The following IPO11 variants were observed in gnomAD, a reference collection of about 807,000 sequenced individuals.
The protein encoded by IPO11 is importin 11, also known as importin-11.
In IPO11, 66 loss-of-function variants were observed where a neutral mutation model predicts 143.2. That is an observed-to-expected ratio of 0.46 (90% confidence interval 0.38 to 0.57). IPO11 has a LOEUF of 0.57. Ranked by LOEUF, IPO11 falls within the 20% of genes least tolerant of loss-of-function variation. IPO11 has a pLI of 0.00. For synonymous variants in IPO11, 385 were observed against 377.8 expected (o/e 1.02, Z -0.22); for missense variants, 1,026 against 1,141.0 (o/e 0.90, Z 1.45).
chr5:62,552,595 C>A (rs765075864), intron 26 of IPO11, among the ~76,000 whole-genome samples: 19 of 151,022 alleles, frequency 1.3e-4, no homozygotes, highest in Non-Finnish European at 2.8e-4. Context: ...TACAGGATAA[C>A]TAAAAATATT....
chr5:62,599,106 A>G (rs922428164), intron 28 of IPO11, among the ~76,000 whole-genome samples: 2 of 152,206 alleles, frequency 1.3e-5, no homozygotes, highest in African/African-American at 2.4e-5. Context: ...CTCAGGCTCC[A>G]TCAAACTCTA....
At chr5:62,579,602 C>T in intron 27 of IPO11, 1 of 1,551,000 alleles carries the variant, frequency 6.4e-7, no homozygotes. Context: ...TCGAGTATTC[C>T]TAAGAATTTT....
At chr5:62,507,119 A>T (rs149789614) in intron 19 of IPO11, among the ~76,000 whole-genome samples, 1 of 152,324 alleles carries the variant, frequency 6.6e-6, no homozygotes, top group East Asian at 1.9e-4. Flanking sequence ...CATGCTTTGC[A>T]TATATTTCTC....
In IPO11 at chr5:62,431,981, G is replaced by C. The variant is rs150294295; in HGVS notation, c.-6-5293G>C. On this transcript the variant is annotated intron_variant, in intron 1 of 29. Transcript: ENST00000325324. ...CATACATACATACATACGGCATGCA[G>C]ACCTGTACCCTGCTGCACCACTCCC... 3.4e-3 allele frequency among the ~76,000 whole-genome samples: 496 copies of C among 145,286 alleles called. 2 individuals carry two copies. The highest frequency in any genetic ancestry group is 0.014 in the South Asian group (67 of 4,740).
At chr5:62,415,450 C>G (rs112577330) in intron 1 of IPO11, among the ~76,000 whole-genome samples, 2,405 of 147,228 alleles carry the variant, frequency 0.016, 61 homozygotes, top group African/African-American at 0.058. Flanking sequence ...GGAGTGAGCC[C>G]GGCCCCGTCT....
intron 4 of IPO11, 98 bp from the exon 5 acceptor site, chr5:62,451,632 C>T (rs892116279): frequency 3.4e-6 from 3 of 895,132 alleles, no homozygotes; most frequent in Non-Finnish European, 5.2e-6. Flanking sequence ...AAATCGTATT[C>T]ATTTTTGTCA....
intron 5 of IPO11, among the ~76,000 whole-genome samples, chr5:62,452,609 GGGA>G: frequency 6.6e-6 from 1 of 150,842 alleles, no homozygotes; most frequent in Non-Finnish European, 1.5e-5. Context: ...GACGTAAGTA[GGGA>G]GTGACAGCCT....
chr5:62,476,296 A>G (rs1201996629), intron 8 of IPO11, among the ~76,000 whole-genome samples: 1 of 152,224 alleles, frequency 6.6e-6, no homozygotes, highest in Non-Finnish European at 1.5e-5. Flanking sequence ...GGAAATTATC[A>G]GAATAAATTT....
intron 19 of IPO11, among the ~76,000 whole-genome samples, chr5:62,506,810 C>G (rs1741570957): frequency 6.6e-6 from 1 of 152,188 alleles, no homozygotes. Flanking sequence ...TCAGCTTCCC[C>G]TGTCACTCTG....
intron 1 of IPO11, among the ~76,000 whole-genome samples, chr5:62,418,116 G>C (rs1391031771): frequency 2.6e-5 from 4 of 151,498 alleles, no homozygotes; most frequent in African/African-American, 9.7e-5. Flanking sequence ...GCAGCTTTCC[G>C]AGTAGCTGGG....
chr5:62,579,464 C>T (rs1744456465), intron 27 of IPO11: 5 of 1,550,762 alleles, frequency 3.2e-6, no homozygotes, highest in Non-Finnish European at 4.4e-6. Context: ...TTTTCTCTGC[C>T]TTGCCTACGA....
intron 28 of IPO11, among the ~76,000 whole-genome samples, chr5:62,592,711 CATGTCCTTTTTCACGTGGCGGCAGGAAGG>C (rs1333954598): frequency 6.6e-6 from 1 of 152,076 alleles, no homozygotes; most frequent in Non-Finnish European, 1.5e-5. Flanking sequence ...GGGAAGCAAA[CATGTCCTTTTTCACGTGGCGGCAGGAAGG>C]AGAAGTGCTG....
chr5:62,620,451 G>A (rs6870708), intron 29 of IPO11, among the ~76,000 whole-genome samples: 4,525 of 151,108 alleles, frequency 0.03, 219 homozygotes, highest in African/African-American at 0.11. Flanking sequence ...CCCGGGAGGC[G>A]GAGCTTGCGG....
At chr5:62,413,608 A>C (rs910075030) in intron 1 of IPO11, among the ~76,000 whole-genome samples, 4 of 152,208 alleles carry the variant, frequency 2.6e-5, no homozygotes, top group African/African-American at 9.7e-5. Context: ...GATTTGACTA[A>C]ATAGCAAGGA....
At chr5:62,478,515 A>G (rs1347585831) in intron 9 of IPO11, among the ~76,000 whole-genome samples, 1 of 152,194 alleles carries the variant, frequency 6.6e-6, no homozygotes, top group East Asian at 1.9e-4. Flanking sequence ...ATATTTAAAA[A>G]ATACTGATAG....
chr5:62,498,155 T>C (rs1214722815), intron 16 of IPO11, among the ~76,000 whole-genome samples: 2 of 152,196 alleles, frequency 1.3e-5, no homozygotes, highest in African/African-American at 2.4e-5. Flanking sequence ...AATACTGTTT[T>C]CATTAGCCAT....
intron 27 of IPO11, among the ~76,000 whole-genome samples, chr5:62,575,414 T>C (rs1016958612): frequency 6.6e-6 from 1 of 152,184 alleles, no homozygotes; most frequent in East Asian, 1.9e-4. Context: ...TAGGACCAAT[T>C]ATTGTTTTAG....
intron 22 of IPO11, among the ~76,000 whole-genome samples, chr5:62,533,512 G>A (rs986043029): frequency 2.0e-5 from 3 of 151,992 alleles, no homozygotes; most frequent in Non-Finnish European, 4.4e-5. Context: ...ATGCCTGGCC[G>A]TACATTCTTT....
chr5:62,546,275 A>T (rs1743177541), intron 24 of IPO11, among the ~76,000 whole-genome samples: 1 of 152,254 alleles, frequency 6.6e-6, no homozygotes, highest in Admixed American at 6.5e-5. Flanking sequence ...GCCATAAAAA[A>T]TGATGAGTTT....
Sources: allele counts gnomAD v4.1 joint callset (sites outside exome capture counted in the v4.1 genomes callset), GRCh38; gene constraint gnomAD v4.1.1; transcripts MANE v1.5; gene names NCBI Gene and HGNC (gene_info 2026-07-23, HGNC 2026-07-21).